HMCN1: variants seen among roughly 807,000 people sequenced by gnomAD.
HMCN1 encodes the protein hemicentin 1, also known as hemicentin-1.
Under a neutral mutation model 625.9 loss-of-function variants are expected in HMCN1, and 321 were observed. The ratio of observed to expected loss-of-function variants is 0.51; its 90% CI spans 0.47 to 0.56. The LOEUF (loss-of-function observed/expected upper bound fraction) is 0.56, where lower values mean the gene tolerates loss of function less well. Ranked by LOEUF, HMCN1 falls within the 20% of genes least tolerant of loss-of-function variation. The pLI is 0.00. For missense variants in HMCN1, 6,588 were observed against 6,887.3 expected, an observed-to-expected ratio of 0.96 and a Z score of 1.54; for synonymous variants, 2,425 against 2,417.6, an observed-to-expected ratio of 1.00 and a Z score of -0.09.
rs150494959 is a variant in HMCN1, at chr1:186,166,895, G to A, written c.15527G>A (p.Arg5176His). The change falls in exon 100 of 107, where the codon CGT (arginine) becomes CAT (histidine). Residue 5176 changes from arginine to histidine, a missense_variant. Transcript: ENST00000271588. ...ATTGGATCTTATCGCTGTGTGGTCC[G>A]TTGTGGAAGTGGCTTTCGAAGAACC... ...NTIGSYRCVV[R>H]CGSGFRRTSD... The A allele has an allele frequency of 1.7e-4, 274 of 1,614,132 alleles. 1 individual carries two copies. The African/African-American group carries it at 1.9e-3, about 11-fold the overall frequency.
At chr1:186,096,165 C>T (rs1660126916) in intron 68 of HMCN1, among the ~76,000 whole-genome samples, 1 of 152,118 alleles carries the variant, frequency 6.6e-6, no homozygotes, top group Admixed American at 6.6e-5. Context: ...ATGCTCCTTA[C>T]ATAGCAGAAA....
At position 185,970,350 on chromosome 1, in the gene HMCN1, G is replaced by A. The variant is rs1650724308; in HGVS notation, c.2228G>A (p.Arg743Lys). The change falls in exon 15 of 107, where the codon AGG (arginine) becomes AAG (lysine). Residue 743 changes from arginine to lysine, a missense_variant. Transcript: ENST00000271588. Reference protein sequence around the residue: ...VKWFKGDLELRPSTFLIIDPL... With the variant: ...VKWFKGDLELKPSTFLIIDPL... ...TTTGACTTAGGAGATCTTGAGTTGA[G>A]GCCCTCAACATTCCTCATTATTGAC... 1 of 1,613,482 alleles carries A rather than the reference G, an allele frequency of 6.2e-7. No individual in the cohort carries two copies. The highest frequency in any genetic ancestry group is 8.5e-7 in the Non-Finnish European group (1 of 1,179,618).
chr1:186,093,474 T>G lies in HMCN1; in HGVS notation c.10013-12T>G. On this transcript the variant is annotated splice_polypyrimidine_tract_variant and intron_variant, in intron 65 of 106. Coordinates refer to ENST00000271588, the MANE Select transcript of HMCN1 (RefSeq NM_031935.3). ...TCCCTCTTCCCTCTCTCTCACTTTC[T>G]GCACAACATAGTTACACCTACAATT... 6.2e-7 allele frequency: 1 copy of G among 1,612,712 alleles called. No individual in the cohort carries two copies. The highest frequency in any genetic ancestry group is 1.1e-5 in the South Asian group (1 of 91,046).
intron 1 of HMCN1, among the ~76,000 whole-genome samples, chr1:185,793,399 G>A (rs1402524658): frequency 6.6e-6 from 1 of 152,066 alleles, no homozygotes; most frequent in Non-Finnish European, 1.5e-5. Context: ...TAAATCTTCT[G>A]TGACTCGACT....
intron 104 of HMCN1, among the ~76,000 whole-genome samples, chr1:186,179,696 T>G (rs149839958): frequency 2.7e-4 from 41 of 152,348 alleles, no homozygotes; most frequent in African/African-American, 9.9e-4. Flanking sequence ...GTTCTACACT[T>G]TGCTTACTCT....
At chr1:185,999,932 T>C in intron 25 of HMCN1, 113 bp from the exon 26 acceptor site, 1 of 727,914 alleles carries the variant, frequency 1.4e-6, no homozygotes, top group South Asian at 1.9e-5. Context: ...GCATAGGACC[T>C]AAGGTTATAA....
chr1:186,115,219 C>T, intron 74 of HMCN1, 39 bp from the exon 75 acceptor site: 1 of 1,610,740 alleles, frequency 6.2e-7, no homozygotes, highest in Non-Finnish European at 8.5e-7. Flanking sequence ...ACGCTATTTG[C>T]TGACTGTGTT....
Position 186,132,418 on chromosome 1 carries a change from C to T in HMCN1, c.13312+9C>T. ...GAGTCTGACTCTGCAAAGTAAGCTG[C>T]TTAATGAAACTAATTAAACACTTGA... is the stretch of plus-strand genomic sequence containing the variant. On this transcript the variant is annotated intron_variant, in intron 86 of 106. Transcript: ENST00000271588. The T allele has an allele frequency of 6.3e-7, 1 of 1,588,332 alleles. No homozygotes were observed. Among genetic ancestry groups the T allele is most frequent in the Non-Finnish European group, 8.6e-7 (1 of 1,160,058 alleles).
intron 2 of HMCN1, among the ~76,000 whole-genome samples, chr1:185,854,149 A>AT (rs1283819572): frequency 6.6e-6 from 1 of 152,158 alleles, no homozygotes; most frequent in Non-Finnish European, 1.5e-5. Context: ...TATAAATCTC[A>AT]TTTTTTCAGA....
intron 4 of HMCN1, among the ~76,000 whole-genome samples, chr1:185,885,486 T>G (rs1664587923): frequency 6.6e-6 from 1 of 151,836 alleles, no homozygotes; most frequent in African/African-American, 2.4e-5. Flanking sequence ...TTACCTGTGT[T>G]AAAAATTACT....
chr1:185,827,559 G>A (rs1660601888), intron 1 of HMCN1, among the ~76,000 whole-genome samples: 1 of 151,984 alleles, frequency 6.6e-6, no homozygotes, highest in Non-Finnish European at 1.5e-5. Flanking sequence ...TGAGGAAAGT[G>A]AGCAAAATGA....
rs745831891 is a variant in HMCN1 at position 185,928,549 on chromosome 1, A to G, written c.1434A>G (p.Glu478=). ...VTLGVDQYLK[E]SASVNLDIAK... Reference sequence around the variant, plus strand: ...TTTTCCATTTTCTTACCTCCAGAGAATCTGCCAGTGTGAACTTAGATATTG... The same window carrying G: ...TTTTCCATTTTCTTACCTCCAGAGAGTCTGCCAGTGTGAACTTAGATATTG... Residue 478 remains glutamate, a synonymous_variant, in exon 10 of 107, where the codon GAA becomes GAG. Transcript: ENST00000271588. The G allele has an allele frequency of 3.7e-6, 6 of 1,612,962 alleles. No individual in the cohort carries two copies. The highest frequency in any genetic ancestry group is 1.3e-5 in the African/African-American group (1 of 75,008).
intron 1 of HMCN1, among the ~76,000 whole-genome samples, chr1:185,824,571 C>CACTAT (rs1476323826): frequency 6.6e-6 from 1 of 152,076 alleles, no homozygotes; most frequent in Non-Finnish European, 1.5e-5. Context: ...GGAGAATGGA[C>CACTAT]ACTATATTGG....
intron 46 of HMCN1, among the ~76,000 whole-genome samples, chr1:186,058,165 A>G (rs1237631366): frequency 6.6e-6 from 1 of 151,994 alleles, no homozygotes. Context: ...ATGGCCCTCT[A>G]TATAATTATC....
rs1267096381 is a variant in HMCN1 at position 186,151,360 on chromosome 1, G to T, written c.14758+11G>T. 6.2e-7 allele frequency: 1 copy of T among 1,610,978 alleles called. No homozygotes were observed. Among genetic ancestry groups the T allele is most frequent in the African/African-American group, 1.3e-5 (1 of 74,838 alleles). ...TACCTCGTAGTCTTGGTAAGTCTTT[G>T]CCTCAAGCCTCTTTTTAAAAACTTA... is the stretch of plus-strand genomic sequence containing the variant. On this transcript the variant is annotated intron_variant, in intron 94 of 106. Transcript: ENST00000271588.
In HMCN1 at chr1:185,846,102, T is replaced by C. The variant is rs752490646; in HGVS notation, c.339+6T>C. On this transcript the variant is annotated splice_donor_region_variant and intron_variant, in intron 2 of 106. Coordinates refer to ENST00000271588, the MANE Select transcript of HMCN1 (RefSeq NM_031935.3). ...TCAGAGAACTGTATGTTCAGGTGAGTGCTTGCTTTCAGTGTTCTCTTGGGG... is the reference window on the plus strand; with the variant it reads ...TCAGAGAACTGTATGTTCAGGTGAGCGCTTGCTTTCAGTGTTCTCTTGGGG... 5 of 1,600,564 alleles carry C rather than the reference T, an allele frequency of 3.1e-6. No individual in the cohort carries two copies. The highest frequency in any genetic ancestry group is 4.3e-6 in the Non-Finnish European group (5 of 1,167,982).
chr1:185,881,694 T>C (rs1393749447), intron 4 of HMCN1, among the ~76,000 whole-genome samples: 1 of 152,204 alleles, frequency 6.6e-6, no homozygotes, highest in Non-Finnish European at 1.5e-5. Context: ...ATCATTTTTA[T>C]TAGAAATGTA....
intron 23 of HMCN1, 41 bp from the exon 24 acceptor site, chr1:185,994,774 T>G (rs1475409728): frequency 1.9e-6 from 3 of 1,589,916 alleles, no homozygotes; most frequent in African/African-American, 1.3e-5. Context: ...AGAAAGGAAT[T>G]TGTGAAAGTT....
In HMCN1 at chr1:186,136,758, A is replaced by C. The variant is rs775634095; in HGVS notation, c.13403A>C (p.Gln4468Pro). 1.9e-6 allele frequency: 3 copies of C among 1,614,066 alleles called. No homozygotes were observed. ...AATTGTCAGGCAACTGGAGAGCCTC[A>C]ACCAACCATTACATGGTCCCGTCAA... is the stretch of plus-strand genomic sequence containing the variant. Reference protein sequence around the residue: ...ILNCQATGEPQPTITWSRQGH... With the variant: ...ILNCQATGEPPPTITWSRQGH... The change falls in exon 87 of 107, where the codon CAA (glutamine) becomes CCA (proline). Residue 4468 changes from glutamine (Q) to proline (P), a missense_variant. By Grantham distance (76) the Gln-to-Pro change is moderately conservative. Transcript: ENST00000271588.
Sources: allele counts gnomAD v4.1 joint callset (sites outside exome capture counted in the v4.1 genomes callset), GRCh38; gene constraint gnomAD v4.1.1; transcripts MANE v1.5; gene names NCBI Gene and HGNC (gene_info 2026-07-23, HGNC 2026-07-21).